Variants in PC observed in about 807,000 individuals in gnomAD.
PC encodes pyruvate carboxylase.
Under a neutral mutation model 107.8 loss-of-function variants are expected in PC, and 46 were observed. That is an observed-to-expected ratio of 0.43 (90% CI 0.34 to 0.55). The LOEUF (loss-of-function observed/expected upper bound fraction) is 0.55. PC is among the 20% of genes least tolerant of loss of function. The pLI is 0.04. For synonymous variants in PC, 662 were observed against 684.7 expected (o/e 0.97, Z 0.52); for missense variants, 1,241 against 1,643.1 (o/e 0.76, Z 4.23).
intron 21 of PC, 75 bp from the exon 22 acceptor site, chr11:66,849,445 G>C: frequency 6.2e-7 from 1 of 1,606,862 alleles, no homozygotes; most frequent in Non-Finnish European, 8.5e-7. Context: ...GCCATAGGAA[G>C]TCCCCACACT....
At chr11:66,946,848 T>C (rs930927657) in intron 3 of PC, among the ~76,000 whole-genome samples, 4 of 152,178 alleles carry the variant, frequency 2.6e-5, no homozygotes, top group Non-Finnish European at 5.9e-5. Flanking sequence ...ATAGAAATTT[T>C]ACTAAGTTTA....
chr11:66,850,579 A>AG (rs756015429), intron 18 of PC, 95 bp downstream of exon 18: 136 of 1,600,878 alleles, frequency 8.5e-5, no homozygotes, highest in Non-Finnish European at 1.1e-4. Flanking sequence ...AGGCCAGAGC[A>AG]GGGCATCTGG....
At chr11:66,958,059 TCGGGGGCTGCAGC>T (rs1441721298) in intron 1 of PC, 5 of 145,602 alleles carry the variant, frequency 3.4e-5, no homozygotes, top group African/African-American at 1.3e-4. Flanking sequence ...GGAGGGGCGC[TCGGGGGCTGCAGC>T]CGGGGGCGGG....
At position 66,851,900 on chromosome 11, in the gene PC, C is replaced by T; in HGVS notation, c.1872G>A (p.Trp624Ter). Residue 624 changes from tryptophan (W) to a stop codon, truncating the protein, a stop_gained, in exon 16 of 23, where the codon TGG (tryptophan) becomes TGA (stop). Transcript: ENST00000393960. LOFTEE classifies it high-confidence loss of function. ...GCTCCCGGAGCTCCTGCAGCCGCCG[C>T]CAGGGGCACTCATACAGGAAGCGCA... The part of the protein sequence containing the change: ...VAMRFLYECP[W>*]RRLQELRELI... 1 of 1,614,094 alleles carries T rather than the reference C, an allele frequency of 6.2e-7. No homozygotes were observed.
In PC at chr11:66,849,222, G is replaced by C; in HGVS notation, c.3288+8C>G. ...CCACCGCCTGGCTGGCCCTGGGGGA[G>C]ACAATACCTTCATGGCCTGGGTGTC... On this transcript the variant is annotated splice_region_variant and intron_variant, in intron 22 of 22. Transcript: ENST00000393960. 1.2e-6 allele frequency: 2 copies of C among 1,613,788 alleles called. No individual in the cohort carries two copies. The highest frequency in any genetic ancestry group is 2.7e-5 in the African/African-American group (2 of 75,066).
In PC at chr11:66,857,741, C is replaced by G; in HGVS notation, c.1369-4358G>C. The G allele has an allele frequency of 6.3e-7, 1 of 1,588,956 alleles. No homozygotes were observed. Among genetic ancestry groups the G allele is most frequent in the East Asian group, 2.2e-5 (1 of 44,592 alleles). On this transcript the variant is annotated intron_variant, in intron 12 of 22. Transcript: ENST00000393960. This position sits in a 1 kb window ranked among gnomAD's most constrained non-coding sequence, Gnocchi z 7.1. The stretch of plus-strand genomic sequence containing the variant: ...CTGTGGCCCCTTCCTACAGGGCGCT[C>G]ACCATGGCCCCGCCGCTCCTGCTGC...
At chr11:66,924,228 A>G (rs1270329742) in intron 3 of PC, among the ~76,000 whole-genome samples, 1 of 150,908 alleles carries the variant, frequency 6.6e-6, no homozygotes. Flanking sequence ...AGAAAGAAAG[A>G]AAGAAAAGAA....
intron 3 of PC, among the ~76,000 whole-genome samples, chr11:66,922,429 C>T (rs1054192817): frequency 3.2e-4 from 49 of 151,838 alleles, no homozygotes; most frequent in Admixed American, 2.6e-4. Context: ...ACAAAATTAG[C>T]TGGGCGTGGT....
chr11:66,897,602 T>C (rs80228806), intron 3 of PC, among the ~76,000 whole-genome samples: 10,583 of 152,024 alleles, frequency 0.07, 409 homozygotes, highest in African/African-American at 0.096. Flanking sequence ...GCGAATAAAA[T>C]ACAACATGCG....
chr11:66,932,321 C>T (rs1948878903), intron 3 of PC, among the ~76,000 whole-genome samples: 1 of 152,080 alleles, frequency 6.6e-6, no homozygotes, highest in African/African-American at 2.4e-5. Context: ...TGAGGAGTTA[C>T]CTAGGTCATA....
Position 66,857,966 on chromosome 11 carries a change from G to A in PC, c.1369-4583C>T, listed in dbSNP as rs1945970194. 3 of 1,612,586 alleles carry A rather than the reference G, an allele frequency of 1.9e-6. No homozygotes were observed. Among genetic ancestry groups the A allele is most frequent in the Admixed American group, 1.7e-5 (1 of 60,026 alleles). ...CTGACTTCCGCAACATGACGGGACTGGTGGACCTGACACTGTCTCGCAATG... is the reference window on the plus strand; with the variant it reads ...CTGACTTCCGCAACATGACGGGACTAGTGGACCTGACACTGTCTCGCAATG... On this transcript the variant is annotated intron_variant, in intron 12 of 22. Coordinates refer to ENST00000393960, the MANE Select transcript of PC (RefSeq NM_001040716.2). The surrounding 1 kb of genome is among the most constrained non-coding windows in gnomAD (Gnocchi z 7.1).
intron 3 of PC, among the ~76,000 whole-genome samples, chr11:66,872,587 T>C (rs79519395): frequency 1.3e-5 from 2 of 150,798 alleles, no homozygotes; most frequent in African/African-American, 4.9e-5. Flanking sequence ...AAAAAAAAAT[T>C]AGCCGGGCGT....
rs764659117 is a variant in PC at position 66,850,331 on chromosome 11, G to A, written c.2607C>T (p.Gly869=). 1.9e-6 allele frequency: 3 copies of A among 1,614,122 alleles called. No individual in the cohort carries two copies. The highest frequency in any genetic ancestry group is 3.3e-5 in the Admixed American group (2 of 60,028). The part of the protein sequence containing the change: ...SDVYENEIPG[G]QYTNLHFQAH... The stretch of plus-strand genomic sequence containing the variant: ...CCTGGAAGTGCAGGTTGGTGTACTG[G>A]CCCCCTGGGATCTCATTTTCATACA... Residue 869 remains glycine (G), a synonymous_variant, in exon 19 of 23, where the codon GGC becomes GGT. Coordinates refer to ENST00000393960, the MANE Select transcript of PC (RefSeq NM_001040716.2).
chr11:66,859,120 T>A (rs1946081983), intron 12 of PC: 2 of 1,476,172 alleles, frequency 1.4e-6, no homozygotes, highest in Non-Finnish European at 9.0e-7. Context: ...CACACCCGGC[T>A]GCACTCCCGG....
chr11:66,910,556 T>C (rs578205299), intron 3 of PC, among the ~76,000 whole-genome samples: 27 of 152,280 alleles, frequency 1.8e-4, no homozygotes, highest in African/African-American at 5.1e-4. Flanking sequence ...AGAGAGAGCG[T>C]GATGGCCCCA....
intron 3 of PC, among the ~76,000 whole-genome samples, chr11:66,927,048 T>C (rs1384472280): frequency 6.7e-6 from 1 of 149,624 alleles, no homozygotes; most frequent in Non-Finnish European, 1.5e-5. Context: ...TGGAGTGCAA[T>C]GGCATGATCT....
intron 3 of PC, among the ~76,000 whole-genome samples, chr11:66,932,523 G>T (rs1295922465): frequency 6.6e-6 from 1 of 152,182 alleles, no homozygotes; most frequent in Non-Finnish European, 1.5e-5. Context: ...TGGGCTAGCT[G>T]ATGTGGGACA....
chr11:66,871,954 G>C lies in PC; in HGVS notation c.136+70C>G. On this transcript the variant is annotated intron_variant, in intron 4 of 22. Transcript: ENST00000393960. This position sits in a 1 kb window ranked among gnomAD's most constrained non-coding sequence, Gnocchi z 7.4. ...GAGTGGGAAGCCAGGGCCTGGGGCA[G>C]TGAGTGGGAGAAGAATGCCAAGGCT... The C allele has an allele frequency of 1.3e-6, 2 of 1,565,472 alleles. No individual in the cohort carries two copies. The highest frequency in any genetic ancestry group is 1.7e-6 in the Non-Finnish European group (2 of 1,155,390).
chr11:66,868,863 G>T lies in PC; in HGVS notation c.1005C>A (p.Val335=). The part of the protein sequence containing the change: ...VNSRLQVEHT[V]TEEITDVDLV... ...ACACTCACTCGGTGATCTCCTCTGT[G>T]ACCGTGTGCTCCACCTGCAGGCGGG... The change falls in exon 10 of 23, where the codon GTC becomes GTA. Residue 335 remains valine (V), a synonymous_variant. Transcript: ENST00000393960. 1 of 1,613,218 alleles carries T rather than the reference G, an allele frequency of 6.2e-7. No homozygotes were observed. Among genetic ancestry groups the T allele is most frequent in the South Asian group, 1.1e-5 (1 of 91,040 alleles).
Sources: allele counts gnomAD v4.1 joint callset (sites outside exome capture counted in the v4.1 genomes callset), GRCh38; gene constraint gnomAD v4.1.1; non-coding constraint Gnocchi (gnomAD v3.1); transcripts MANE v1.5; gene names NCBI Gene and HGNC (gene_info 2026-07-23, HGNC 2026-07-21).